The following GJB2 variants were observed in gnomAD, a reference collection of about 807,000 sequenced individuals.
The protein encoded by GJB2 is gap junction beta-2 protein.
A neutral mutation model predicts 16.0 loss-of-function variants in GJB2; 30 were observed. The ratio of observed to expected loss-of-function variants is 1.88; its 90% CI spans 1.41 to 2.55. The LOEUF (loss-of-function observed/expected upper bound fraction) is 2.55. Ranked by LOEUF, GJB2 falls within the 30% of genes most tolerant of loss-of-function variation. The probability of loss-of-function intolerance (pLI) is 0.00; values close to 1 mark genes in which losing one functional copy is unlikely to be tolerated. For missense variants in GJB2, 284 were observed against 289.7 expected (o/e 0.98, Z 0.14); for synonymous variants, 123 against 119.1 (o/e 1.03, Z -0.21).
rs1311093427 is a variant in GJB2 at position 20,189,381 on chromosome 13, G to A, written c.201C>T (p.His67=). 1 of 1,614,172 alleles carries A rather than the reference G, an allele frequency of 6.2e-7. No homozygotes were observed. Among genetic ancestry groups the A allele is most frequent in the South Asian group, 1.1e-5 (1 of 91,080 alleles). ...GCCGGATGTGGGAGATGGGGAAGTAGTGATCGTAGCACACGTTCTTGCAGC... is the reference window on the plus strand; with the variant it reads ...GCCGGATGTGGGAGATGGGGAAGTAATGATCGTAGCACACGTTCTTGCAGC... The part of the protein sequence containing the change: ...QPGCKNVCYD[H]YFPISHIRLW... Residue 67 remains histidine (H), a synonymous_variant, in exon 2 of 2, where the codon CAC becomes CAT. Transcript: ENST00000382848.
rs201895089 is a variant in GJB2 at position 20,189,605 on chromosome 13, T to C, written c.-22-2A>G. 1.9e-6 allele frequency: 3 copies of C among 1,608,056 alleles called. No homozygotes were observed. The highest frequency in any genetic ancestry group is 2.7e-5 in the African/African-American group (2 of 74,912). The stretch of plus-strand genomic sequence containing the variant: ...ATCTTCTACTCTGGGCGGTTTGCTC[T>C]GGAAAAGACGAATGCACACAACACA... On this transcript the variant is annotated splice_acceptor_variant, in intron 1 of 1. Coordinates refer to ENST00000382848, the MANE Select transcript of GJB2 (RefSeq NM_004004.6). LOFTEE classifies it low-confidence loss of function (5UTR_SPLICE).
Position 20,189,219 on chromosome 13 carries a change from G to C in GJB2, c.363C>G (p.Ile121Met). The C allele has an allele frequency of 6.2e-7, 1 of 1,613,694 alleles. No individual in the cohort carries two copies. Among genetic ancestry groups the C allele is most frequent in the Non-Finnish European group, 8.5e-7 (1 of 1,180,038 alleles). ...IKSEFKDIEEIKTQKVRIEGS... is the reference protein window; with the variant it reads ...IKSEFKDIEEMKTQKVRIEGS... Reference sequence around the variant, plus strand: ...CTTCGATGCGGACCTTCTGGGTTTTGATCTCCTCGATGTCCTTAAATTCAC... The same window carrying C: ...CTTCGATGCGGACCTTCTGGGTTTTCATCTCCTCGATGTCCTTAAATTCAC... The change falls in exon 2 of 2, where the codon ATC becomes ATG. Residue 121 changes from isoleucine to methionine, a missense_variant. Physicochemically the swap from Ile to Met is conservative, Grantham distance 10 (BLOSUM62 1). Transcript: ENST00000382848.
At chr13:20,189,663 T>A in intron 1 of GJB2, 60 bp from the exon 2 acceptor site, 3 of 1,275,368 alleles carry the variant, frequency 2.4e-6, no homozygotes, top group Non-Finnish European at 3.4e-6. Flanking sequence ...CAGGGAGACT[T>A]CTCTGAGTCT....
At position 20,189,325 on chromosome 13, in the gene GJB2, G is replaced by C. The variant is rs1291519904; in HGVS notation, c.257C>G (p.Thr86Arg). The C allele has an allele frequency of 6.8e-6, 11 of 1,614,062 alleles. No homozygotes were observed. In the East Asian group the frequency reaches 2.5e-4, roughly 36 times the overall value. The change falls in exon 2 of 2, where the codon ACG becomes AGG. Residue 86 changes from threonine to arginine, a missense_variant. By Grantham distance (71) the Thr-to-Arg change is moderately conservative. Transcript: ENST00000382848. ...LWALQLIFVS[T>R]PALLVAMHVA... is the part of the protein sequence containing the mutation. ...GTGCATGGCCACTAGGAGCGCTGGC[G>C]TGGACACGAAGATCAGCTGCAGGGC...
At chr13:20,191,452 T>G (rs758097476) in intron 1 of GJB2, among the ~76,000 whole-genome samples, 3 of 152,148 alleles carry the variant, frequency 2.0e-5, no homozygotes, top group Non-Finnish European at 2.9e-5. Context: ...AAAATACAGT[T>G]CCGAGAAACC....
chr13:20,191,203 G>A (rs1959074512), intron 1 of GJB2, among the ~76,000 whole-genome samples: 1 of 152,078 alleles, frequency 6.6e-6, no homozygotes, highest in Non-Finnish European at 1.5e-5. Context: ...CAGAACCACC[G>A]AGGACAGCAA....
intron 1 of GJB2, among the ~76,000 whole-genome samples, chr13:20,191,150 C>A (rs1366860406): frequency 6.6e-6 from 1 of 152,184 alleles, no homozygotes; most frequent in African/African-American, 2.4e-5. Flanking sequence ...AGCTGGTTGT[C>A]CTGCTACAGC....
rs111033194 is a variant in GJB2 at position 20,188,912 on chromosome 13, T to G, written c.670A>C (p.Lys224Gln). 239 of 1,613,134 alleles carry G rather than the reference T, an allele frequency of 1.5e-4. No homozygotes were observed. The highest frequency in any genetic ancestry group is 9.9e-4 in the Middle Eastern group (6 of 6,062). ...AACTGGGCAATGCGTTAAACTGGCT[T>G]TTTTGACTTCCCAGAACAATATCTA... is the stretch of plus-strand genomic sequence containing the variant. The part of the protein sequence containing the change: ...LIRYCSGKSK[K>Q]PV The change falls in exon 2 of 2, where the codon AAG (lysine) becomes CAG (glutamine). Residue 224 changes from lysine to glutamine, a missense_variant. Coordinates refer to ENST00000382848, the MANE Select transcript of GJB2 (RefSeq NM_004004.6).
At position 20,188,957 on chromosome 13, in the gene GJB2, C is replaced by T; in HGVS notation, c.625G>A (p.Glu209Lys). ...TATCTAATTAGCAAATAACACAATT[C>T]AGTGACATTCAGCAGGATGCAAATT... is the stretch of plus-strand genomic sequence containing the variant. ...SGICILLNVT[E>K]LCYLLIRYCS... Residue 209 changes from glutamate to lysine, a missense_variant, in exon 2 of 2, where the codon GAA (glutamate) becomes AAA (lysine). Coordinates refer to ENST00000382848, the MANE Select transcript of GJB2 (RefSeq NM_004004.6). 1 of 1,613,940 alleles carries T rather than the reference C, an allele frequency of 6.2e-7. No homozygotes were observed. Among genetic ancestry groups the T allele is most frequent in the Non-Finnish European group, 8.5e-7 (1 of 1,180,002 alleles).
intron 1 of GJB2, among the ~76,000 whole-genome samples, chr13:20,189,947 G>A (rs921708595): frequency 1.1e-4 from 16 of 152,114 alleles, no homozygotes; most frequent in Non-Finnish European, 1.8e-4. Flanking sequence ...GGTTCTGACC[G>A]TACCCCTGCA....
chr13:20,191,046 A>G (rs1436732595), intron 1 of GJB2, among the ~76,000 whole-genome samples: 2 of 152,198 alleles, frequency 1.3e-5, no homozygotes, highest in Non-Finnish European at 2.9e-5. Context: ...AGCTTCACTG[A>G]GCTTGGGAAA....
Position 20,189,128 on chromosome 13 carries a change from A to G in GJB2, c.454T>C (p.Tyr152His). ...CCGTCGTACATGACATAGAAGACGT[A>G]CATGAAGGCGGCTTCGAAGATGACC... is the stretch of plus-strand genomic sequence containing the variant. ...FRVIFEAAFM[Y>H]VFYVMYDGFS... The change falls in exon 2 of 2, where the codon TAC becomes CAC. Residue 152 changes from tyrosine (Y) to histidine (H), a missense_variant. Coordinates refer to ENST00000382848, the MANE Select transcript of GJB2 (RefSeq NM_004004.6). 6.2e-7 allele frequency: 1 copy of G among 1,614,150 alleles called. No individual in the cohort carries two copies. The highest frequency in any genetic ancestry group is 1.3e-5 in the African/African-American group (1 of 75,064).
intron 1 of GJB2, among the ~76,000 whole-genome samples, chr13:20,192,350 A>C (rs1868372643): frequency 6.6e-6 from 1 of 152,190 alleles, no homozygotes; most frequent in Admixed American, 6.5e-5. Flanking sequence ...TCCTGCAGCG[A>C]AGGCTTCCTG....
intron 1 of GJB2, among the ~76,000 whole-genome samples, chr13:20,192,419 T>C (rs929159294): frequency 1.3e-5 from 2 of 152,154 alleles, no homozygotes; most frequent in African/African-American, 2.4e-5. Flanking sequence ...TTTAAAACGT[T>C]TGGTGGCAGT....
chr13:20,191,700 C>A (rs112465748), intron 1 of GJB2, among the ~76,000 whole-genome samples: 57 of 152,338 alleles, frequency 3.7e-4, no homozygotes, highest in Admixed American at 1.7e-3. Flanking sequence ...CATCCTGCAC[C>A]GCCTGGAGGG....
At position 20,188,831 on chromosome 13, in the gene GJB2, G is replaced by C; in HGVS notation, c.*70C>G. 8.1e-7 allele frequency: 1 copy of C among 1,235,212 alleles called. No homozygotes were observed. The highest frequency in any genetic ancestry group is 1.2e-6 in the Non-Finnish European group (1 of 837,390). 76.5% of individuals were successfully genotyped at this position (1,235,212 alleles called of 1,614,324 possible). A position where few individuals can be genotyped will look rare whatever the true frequency, so the allele number is the denominator to read the frequency against. On this transcript the variant is annotated 3_prime_UTR_variant, in exon 2 of 2. Transcript: ENST00000382848. ...TGGGAAATGCTAGCGACTGAGCCTT[G>C]ACAGCTGAGCACGGGTTGCCTCATC...
intron 1 of GJB2, chr13:20,189,844 AC>A: frequency 1.8e-6 from 1 of 548,792 alleles, no homozygotes; most frequent in South Asian, 2.0e-5. Flanking sequence ...TAGCTTGTTC[AC>A]CTGAGTAATT....
At chr13:20,191,117 C>G (rs1488954908) in intron 1 of GJB2, among the ~76,000 whole-genome samples, 1 of 152,178 alleles carries the variant, frequency 6.6e-6, no homozygotes, top group Non-Finnish European at 1.5e-5. Flanking sequence ...CATTGATAAT[C>G]CAGACTGGGA....
At chr13:20,189,901 T>G (rs1342662135) in intron 1 of GJB2, 1 of 409,432 alleles carries the variant, frequency 2.4e-6, no homozygotes. Flanking sequence ...TGCTGGGGAG[T>G]GTCATAAAGT....
Sources: allele counts gnomAD v4.1 joint callset (sites outside exome capture counted in the v4.1 genomes callset), GRCh38; gene constraint gnomAD v4.1.1; transcripts MANE v1.5; gene names NCBI Gene and HGNC (gene_info 2026-07-23, HGNC 2026-07-21).